IQCE: variants seen among roughly 807,000 people sequenced by gnomAD.
IQCE encodes IQ domain-containing protein E.
Under a neutral mutation model 96.0 loss-of-function variants are expected in IQCE, and 115 were observed. The ratio of observed to expected loss-of-function variants is 1.20; its 90% CI spans 1.03 to 1.40. IQCE has a LOEUF of 1.40. Among genes scored for constraint, IQCE ranks in the 40% most tolerant of loss-of-function variants. The probability of loss-of-function intolerance (pLI) is 0.00; values close to 1 mark genes in which losing one functional copy is unlikely to be tolerated. For synonymous variants in IQCE, 412 were observed against 371.2 expected, an observed-to-expected ratio of 1.11 and a Z score of -1.26; for missense variants, 1,041 against 909.1, an observed-to-expected ratio of 1.15 and a Z score of -1.87.
Position 2,611,400 on chromosome 7 carries a change from C to A in IQCE, c.*1238C>A, listed in dbSNP as rs1046170887. ...GGGCTGGCCGCTGTCTCAGGAGAGA[C>A]CCAATGGTTAGAAAGCCCCTTTTTA... On this transcript the variant is annotated 3_prime_UTR_variant, in exon 22 of 22. Transcript: ENST00000402050. The A allele has an allele frequency of 6.6e-6, 1 of 152,462 alleles. No homozygotes were observed. Among genetic ancestry groups the A allele is most frequent in the South Asian group, 2.1e-4 (1 of 4,832 alleles). 9.4% of individuals were successfully genotyped at this position (152,462 alleles called of 1,614,324 possible).
chr7:2,576,221 G>C (rs989793160), intron 6 of IQCE, among the ~76,000 whole-genome samples: 1 of 152,178 alleles, frequency 6.6e-6, no homozygotes, highest in Non-Finnish European at 1.5e-5. Context: ...GGAGAAGGCC[G>C]TGTATGAGGA....
At chr7:2,560,953 C>T (rs1228333487) in intron 1 of IQCE, among the ~76,000 whole-genome samples, 7 of 116,768 alleles carry the variant, frequency 6.0e-5, no homozygotes, top group Non-Finnish European at 1.0e-4. Context: ...GAGACTCTGT[C>T]TCAAAAAAAA....
At chr7:2,586,153 A>G (rs948178424) in intron 11 of IQCE, 55 bp from the exon 12 acceptor site, 15 of 1,521,222 alleles carry the variant, frequency 9.9e-6, no homozygotes, top group South Asian at 6.1e-5. Flanking sequence ...CGTTTCAAGC[A>G]TGTGTGAAAC....
rs375520319 is a variant in IQCE at position 2,594,330 on chromosome 7, A to G, written c.1350-556A>G. ...GACTGAATTCTGTCAGAAGACTTGA[A>G]TTAAAGTAAATCTGAAAGGGCACAT... On this transcript the variant is annotated intron_variant, in intron 15 of 21. Coordinates refer to ENST00000402050, the MANE Select transcript of IQCE (RefSeq NM_152558.5). 2.6e-5 allele frequency among the ~76,000 whole-genome samples: 4 copies of G among 152,066 alleles called. No individual in the cohort carries two copies. In the East Asian group the frequency reaches 5.8e-4, roughly 22 times the overall value.
chr7:2,598,892 G>A (rs570610453), intron 17 of IQCE, among the ~76,000 whole-genome samples: 4 of 152,304 alleles, frequency 2.6e-5, no homozygotes, highest in South Asian at 2.1e-4. Flanking sequence ...AGTTTTAGAC[G>A]TTATGAAACA....
chr7:2,609,361 G>A (rs997793427), intron 21 of IQCE, among the ~76,000 whole-genome samples: 2 of 150,450 alleles, frequency 1.3e-5, no homozygotes, highest in African/African-American at 4.9e-5. Flanking sequence ...GCCCAGGCTG[G>A]TCTGGAACTC....
chr7:2,581,367 G>A (rs1205540899), intron 8 of IQCE, among the ~76,000 whole-genome samples: 1 of 151,650 alleles, frequency 6.6e-6, no homozygotes, highest in Non-Finnish European at 1.5e-5. Flanking sequence ...CACCATGCCC[G>A]GCTACTTTTT....
At chr7:2,578,676 C>T (rs1782409333) in intron 8 of IQCE, 150 bp downstream of exon 8, 3 of 774,676 alleles carry the variant, frequency 3.9e-6, no homozygotes, top group Middle Eastern at 3.1e-4. Context: ...TCCACTGACA[C>T]CTGGGGACAC....
intron 15 of IQCE, among the ~76,000 whole-genome samples, chr7:2,593,678 G>A (rs1225932910): frequency 2.0e-5 from 3 of 152,242 alleles, no homozygotes; most frequent in Non-Finnish European, 4.4e-5. Context: ...GAAATGTCCA[G>A]AACGGGCGGA....
chr7:2,585,048 A>T (rs1386993029), intron 11 of IQCE, among the ~76,000 whole-genome samples: 9 of 140,542 alleles, frequency 6.4e-5, no homozygotes, highest in East Asian at 2.1e-4. Context: ...TGCTCATAAC[A>T]TTTTTTTTTT....
intron 18 of IQCE, 94 bp downstream of exon 18, chr7:2,601,558 T>C (rs1186201460): frequency 1.1e-6 from 1 of 944,140 alleles, no homozygotes; most frequent in African/African-American, 1.7e-5. Context: ...ATTCCTTTTC[T>C]TTTTTTTTCG....
intron 14 of IQCE, among the ~76,000 whole-genome samples, chr7:2,592,164 C>T (rs1164641899): frequency 1.3e-5 from 2 of 152,220 alleles, no homozygotes; most frequent in African/African-American, 4.8e-5. Flanking sequence ...TTCTCTGCTG[C>T]CTGCTGTGAA....
At chr7:2,586,174 A>G (rs755210717) in intron 11 of IQCE, 34 bp from the exon 12 acceptor site, 8 of 1,596,940 alleles carry the variant, frequency 5.0e-6, no homozygotes, top group East Asian at 2.2e-5. Context: ...CAGCTTAGCA[A>G]TGCAAACCTC....
chr7:2,586,656 C>T (rs1357616641), intron 12 of IQCE, among the ~76,000 whole-genome samples: 1 of 152,274 alleles, frequency 6.6e-6, no homozygotes, highest in Admixed American at 6.5e-5. Flanking sequence ...CTGTAAGTGC[C>T]ATGGAGGAGG....
At chr7:2,583,558 G>T in intron 9 of IQCE, 79 bp from the exon 10 acceptor site, 2 of 1,110,738 alleles carry the variant, frequency 1.8e-6, no homozygotes, top group Admixed American at 1.9e-5. Context: ...TCTTCTGAAC[G>T]TTCTGGGAAA....
At chr7:2,580,985 A>G (rs1211242608) in intron 8 of IQCE, among the ~76,000 whole-genome samples, 1 of 151,956 alleles carries the variant, frequency 6.6e-6, no homozygotes, top group East Asian at 1.9e-4. Context: ...CTGGGACTAC[A>G]GGCGCCCGCC....
intron 12 of IQCE, among the ~76,000 whole-genome samples, chr7:2,586,866 C>T (rs559189018): frequency 3.4e-4 from 52 of 152,086 alleles, no homozygotes; most frequent in African/African-American, 1.0e-3. Flanking sequence ...TGAGGCCCAG[C>T]GGGGCGAGGC....
chr7:2,601,154 C>T (rs1381028535), intron 17 of IQCE, among the ~76,000 whole-genome samples: 1 of 152,238 alleles, frequency 6.6e-6, no homozygotes, highest in Non-Finnish European at 1.5e-5. Context: ...GTCCCTTCTG[C>T]ACAGCCAGGG....
chr7:2,595,024 T>C (rs1459062147), intron 16 of IQCE, 48 bp downstream of exon 16: 2 of 1,334,594 alleles, frequency 1.5e-6, no homozygotes, highest in Admixed American at 3.4e-5. Flanking sequence ...GGTGAGACTT[T>C]GGTCGTGACG....
Sources: gnomAD v4.1 joint callset for allele counts (sites outside exome capture counted in the v4.1 genomes callset) on GRCh38, gnomAD v4.1.1 for gene constraint, MANE v1.5 for transcripts, NCBI Gene and HGNC (gene_info 2026-07-23, HGNC 2026-07-21) for gene names.